The following CLASP1 variants were observed in gnomAD, a reference collection of about 807,000 sequenced individuals.
CLASP1 encodes CLIP-associating protein 1.
CLASP1 carries 38 observed loss-of-function variants against 192.3 expected under a neutral mutation model. The observed-to-expected ratio is 0.20, with a 90% CI of 0.15 to 0.26. The LOEUF (loss-of-function observed/expected upper bound fraction) is 0.26, where lower values mean the gene tolerates loss of function less well. Among genes scored for constraint, CLASP1 ranks in the 10% least tolerant of loss-of-function variants. The pLI is 1.00. For missense variants in CLASP1, 1,433 were observed against 1,932.5 expected (o/e 0.74, Z 4.85); for synonymous variants, 691 against 712.8 (o/e 0.97, Z 0.49).
chr2:121,605,799 C>T (rs2064353821), exon 2 of CLASP1: 1 of 1,614,030 alleles, frequency 6.2e-7, no homozygotes, highest in East Asian at 2.2e-5. Context: ...TTCTGTTTGT[C>T]TGAGAAATAG....
At chr2:121,594,478 C>T (rs1398176923) in intron 2 of CLASP1, among the ~76,000 whole-genome samples, 2 of 150,840 alleles carry the variant, frequency 1.3e-5, no homozygotes, top group Non-Finnish European at 3.0e-5. Flanking sequence ...CTGCAACCTC[C>T]GCCTCCCGGG....
rs2059849089 is a variant in CLASP1, at chr2:121,570,044, T to C, written c.195+35657A>G. Among the ~76,000 whole-genome samples the C allele has an allele frequency of 2.0e-5, 3 of 152,140 alleles. No individual in the cohort carries two copies. In the South Asian group the frequency reaches 6.2e-4, roughly 32 times the overall value. ...TTTCTGCATCTGTCAAAGGAAGATA[T>C]TTGCTGTTTTAGTTTCTGTGTTAAG... On this transcript the variant is annotated intron_variant, in intron 2 of 39. Transcript: ENST00000263710.
At chr2:121,632,471 T>C (rs2069876117) in intron 1 of CLASP1, among the ~76,000 whole-genome samples, 1 of 151,752 alleles carries the variant, frequency 6.6e-6, no homozygotes, top group Non-Finnish European at 1.5e-5. Flanking sequence ...TGTTCATCAA[T>C]AGAGGACTCA....
intron 34 of CLASP1, among the ~76,000 whole-genome samples, chr2:121,370,526 T>A (rs1029028075): frequency 1.3e-5 from 2 of 152,200 alleles, no homozygotes; most frequent in Non-Finnish European, 2.9e-5. Flanking sequence ...GGTTTCACCA[T>A]GTTGGTCAGG....
intron 2 of CLASP1, among the ~76,000 whole-genome samples, chr2:121,536,378 GAAAAA>G (rs59632661): frequency 7.5e-4 from 36 of 48,300 alleles, no homozygotes; most frequent in Admixed American, 3.0e-3. Flanking sequence ...AAGACTGTCT[GAAAAA>G]AAAAAAAAAA....
chr2:121,434,755 T>C (rs2149680735), intron 19 of CLASP1, among the ~76,000 whole-genome samples: 1 of 151,434 alleles, frequency 6.6e-6, no homozygotes, highest in East Asian at 2.0e-4. Flanking sequence ...TTTGGGAGGC[T>C]GAGGCAGGTG....
At chr2:121,592,011 C>T (rs2105757371) in intron 2 of CLASP1, among the ~76,000 whole-genome samples, 1 of 152,288 alleles carries the variant, frequency 6.6e-6, no homozygotes, top group South Asian at 2.1e-4. Context: ...TTGTCACAGA[C>T]TCTCCCTCTA....
At chr2:121,446,738 T>C (rs1405534248) in intron 19 of CLASP1, among the ~76,000 whole-genome samples, 1 of 152,172 alleles carries the variant, frequency 6.6e-6, no homozygotes, top group African/African-American at 2.4e-5. Flanking sequence ...TAAAAAACTT[T>C]TTTGGGCAAT....
chr2:121,568,658 GA>G, intron 2 of CLASP1, among the ~76,000 whole-genome samples: 1 of 151,740 alleles, frequency 6.6e-6, no homozygotes, highest in South Asian at 2.1e-4. Flanking sequence ...AAATGTACTA[GA>G]TATTTCAATT....
chr2:121,484,076 C>T (rs1231473590), intron 8 of CLASP1, among the ~76,000 whole-genome samples: 1 of 152,184 alleles, frequency 6.6e-6, no homozygotes, highest in Admixed American at 6.5e-5. Flanking sequence ...TGAGAGGTTT[C>T]AAGCAAGTGT....
intron 2 of CLASP1, among the ~76,000 whole-genome samples, chr2:121,561,540 G>T (rs1243626020): frequency 6.6e-6 from 1 of 152,180 alleles, no homozygotes; most frequent in Non-Finnish European, 1.5e-5. Context: ...CCCACTGGAA[G>T]AAGAAATGTC....
At chr2:121,575,956 A>G (rs1030216951) in intron 2 of CLASP1, among the ~76,000 whole-genome samples, 7 of 152,222 alleles carry the variant, frequency 4.6e-5, no homozygotes, top group African/African-American at 1.7e-4. Context: ...AAAATGACTT[A>G]CGTAGCTAAG....
intron 7 of CLASP1, among the ~76,000 whole-genome samples, chr2:121,504,388 T>G (rs546472208): frequency 1.3e-5 from 2 of 152,208 alleles, no homozygotes; most frequent in South Asian, 4.1e-4. Context: ...TCATTTCAAA[T>G]ATGTTTGCCT....
chr2:121,611,576 A>G (rs1234354026), intron 1 of CLASP1, among the ~76,000 whole-genome samples: 1 of 141,710 alleles, frequency 7.1e-6, no homozygotes, highest in Non-Finnish European at 1.5e-5. Context: ...GAGTTACAGG[A>G]GGAAGAGGAA....
intron 1 of CLASP1, among the ~76,000 whole-genome samples, chr2:121,620,281 G>T (rs115425404): frequency 0.014 from 2,061 of 152,114 alleles, 41 homozygotes; most frequent in African/African-American, 0.046. Flanking sequence ...TCTGATTAGG[G>T]ATCAGAAATT....
chr2:121,426,235 C>A (rs1161274990), intron 21 of CLASP1, among the ~76,000 whole-genome samples: 1 of 152,036 alleles, frequency 6.6e-6, no homozygotes, highest in South Asian at 2.1e-4. Context: ...TCAAACAATA[C>A]ACCACAAACA....
At chr2:121,581,161 C>T (rs1439146281) in intron 2 of CLASP1, among the ~76,000 whole-genome samples, 1 of 151,826 alleles carries the variant, frequency 6.6e-6, no homozygotes, top group Non-Finnish European at 1.5e-5. Context: ...CACAGGCAGA[C>T]CAGCATTCCA....
At chr2:121,466,573 T>C (rs530320553) in intron 9 of CLASP1, among the ~76,000 whole-genome samples, 1 of 152,204 alleles carries the variant, frequency 6.6e-6, no homozygotes, top group South Asian at 2.1e-4. Flanking sequence ...TCAGTGAAAA[T>C]GGTTCTAAGA....
chr2:121,538,116 GA>G (rs556827916), intron 2 of CLASP1, among the ~76,000 whole-genome samples: 5 of 150,948 alleles, frequency 3.3e-5, no homozygotes, highest in African/African-American at 9.7e-5. Flanking sequence ...ATTTTGGCAA[GA>G]AAAAAAAATA....
Sources: allele counts gnomAD v4.1 joint callset (sites outside exome capture counted in the v4.1 genomes callset), GRCh38; gene constraint gnomAD v4.1.1; transcripts MANE v1.5; gene names NCBI Gene and HGNC (gene_info 2026-07-23, HGNC 2026-07-21).